Variants in HMCN1 observed in about 807,000 individuals in gnomAD.
HMCN1 encodes the protein hemicentin 1.
A neutral mutation model predicts 625.9 loss-of-function variants in HMCN1; 321 were observed. That is an observed-to-expected ratio of 0.51 (90% CI 0.47 to 0.56). The LOEUF (loss-of-function observed/expected upper bound fraction) is 0.56. HMCN1 is among the 20% of genes least tolerant of loss of function. The pLI, the probability that HMCN1 is intolerant of heterozygous loss-of-function variation, is 0.00. For missense variants in HMCN1, 6,588 were observed against 6,887.3 expected (o/e 0.96, Z 1.54); for synonymous variants, 2,425 against 2,417.6 (o/e 1.00, Z -0.09).
chr1:186,118,147 ATTTATACAAT>A (rs1232190010), intron 77 of HMCN1, among the ~76,000 whole-genome samples: 2 of 152,210 alleles, frequency 1.3e-5, no homozygotes, highest in African/African-American at 4.8e-5. Context: ...AGTAACCCTC[ATTTATACAAT>A]TTATAGTATT....
At chr1:186,134,006 G>A (rs577654920) in intron 86 of HMCN1, among the ~76,000 whole-genome samples, 3 of 152,172 alleles carry the variant, frequency 2.0e-5, no homozygotes, top group African/African-American at 4.8e-5. Flanking sequence ...TTGAGTGAAC[G>A]TAGGTAGAAC....
At chr1:185,869,908 A>G (rs1294217051) in intron 4 of HMCN1, among the ~76,000 whole-genome samples, 1 of 152,082 alleles carries the variant, frequency 6.6e-6, no homozygotes, top group Non-Finnish European at 1.5e-5. Context: ...TTTCTAAAGG[A>G]AAGTGTAGTG....
At chr1:185,824,134 C>G (rs895247221) in intron 1 of HMCN1, among the ~76,000 whole-genome samples, 1 of 152,116 alleles carries the variant, frequency 6.6e-6, no homozygotes, top group African/African-American at 2.4e-5. Context: ...CTTTATGCTT[C>G]AGCTTGTTTA....
chr1:186,007,348 T>G, intron 30 of HMCN1, 66 bp downstream of exon 30: 1 of 1,391,608 alleles, frequency 7.2e-7, no homozygotes, highest in Non-Finnish European at 1.0e-6. Flanking sequence ...CAGGGTTTAC[T>G]GGTAACTACA....
At chr1:186,074,554 T>G (rs1014088462) in intron 52 of HMCN1, among the ~76,000 whole-genome samples, 187 bp from the exon 53 acceptor site, 6 of 152,106 alleles carry the variant, frequency 3.9e-5, no homozygotes, top group Non-Finnish European at 7.4e-5. Context: ...AAATAAAAAT[T>G]TGATTAGTCA....
intron 14 of HMCN1, among the ~76,000 whole-genome samples, chr1:185,967,889 ACTGTATTC>A (rs1156868514): frequency 6.6e-6 from 1 of 152,100 alleles, no homozygotes; most frequent in African/African-American, 2.4e-5. Context: ...AAATGAACAA[ACTGTATTC>A]CATTCAGACC....
intron 34 of HMCN1, 123 bp downstream of exon 34, chr1:186,018,475 G>T (rs890033516): frequency 2.9e-6 from 3 of 1,043,924 alleles, no homozygotes; most frequent in Non-Finnish European, 4.4e-6. Flanking sequence ...TAGTGTAAAG[G>T]ATGTGAATTT....
At chr1:186,119,937 T>G in intron 79 of HMCN1, 55 bp downstream of exon 79, 1 of 1,614,028 alleles carries the variant, frequency 6.2e-7, no homozygotes, top group Non-Finnish European at 8.5e-7. Flanking sequence ...TGTTTTATAA[T>G]TCGAATCAGC....
chr1:186,002,748 A>C (rs1653282031), intron 28 of HMCN1, among the ~76,000 whole-genome samples: 1 of 152,000 alleles, frequency 6.6e-6, no homozygotes, highest in African/African-American at 2.4e-5. Flanking sequence ...CCTTAGTTTT[A>C]TATCAAACAA....
chr1:185,954,785 T>C (rs1649504719), intron 11 of HMCN1, among the ~76,000 whole-genome samples: 1 of 152,160 alleles, frequency 6.6e-6, no homozygotes, highest in African/African-American at 2.4e-5. Flanking sequence ...CTCTCTACTC[T>C]CTTTTCCCCA....
intron 23 of HMCN1, among the ~76,000 whole-genome samples, chr1:185,994,584 A>G (rs936388111): frequency 3.9e-5 from 6 of 152,162 alleles, no homozygotes; most frequent in African/African-American, 1.4e-4. Flanking sequence ...TAATCCTTGC[A>G]GTGTACTGGC....
At chr1:186,159,343 T>C (rs539128771) in intron 97 of HMCN1, among the ~76,000 whole-genome samples, 9 of 152,324 alleles carry the variant, frequency 5.9e-5, no homozygotes, top group Admixed American at 5.9e-4. Flanking sequence ...GTTTTCTAGA[T>C]GTACAATCAT....
rs140251121 is a variant in HMCN1 at position 186,114,000 on chromosome 1, G to A, written c.11153G>A (p.Gly3718Asp). Residue 3718 changes from glycine to aspartate, a missense_variant, in exon 73 of 107, where the codon GGC becomes GAC. Around this residue, in one of 3 missense-constraint regions of HMCN1, gnomAD observed 4,628 missense variants for 4,853.1 expected, o/e 0.95. Transcript: ENST00000271588. ...TCAGTTCCTCCAAACATAAAGGGGG[G>A]CCCCCAGAGCCTTGTAATTCTTTTA... is the stretch of plus-strand genomic sequence containing the variant. ...TVNVPPNIKGGPQSLVILLNK... is the reference protein window; with the variant it reads ...TVNVPPNIKGDPQSLVILLNK... 4.4e-5 allele frequency: 71 copies of A among 1,614,072 alleles called. No homozygotes were observed. The African/African-American group carries it at 7.9e-4, about 18-fold the overall frequency.
chr1:185,930,044 A>G (rs1379781186), intron 10 of HMCN1, among the ~76,000 whole-genome samples: 1 of 152,198 alleles, frequency 6.6e-6, no homozygotes, highest in Admixed American at 6.5e-5. Flanking sequence ...GGGAAGTGCC[A>G]GGAAGAACTT....
intron 4 of HMCN1, among the ~76,000 whole-genome samples, chr1:185,903,895 C>G (rs1665951476): frequency 6.6e-6 from 1 of 151,956 alleles, no homozygotes; most frequent in Non-Finnish European, 1.5e-5. Context: ...TCTCTATAGG[C>G]ACACGTACAA....
intron 68 of HMCN1, among the ~76,000 whole-genome samples, chr1:186,102,787 C>G (rs1392241396): frequency 1.3e-5 from 2 of 152,120 alleles, no homozygotes. Context: ...AAATGGTCAT[C>G]ATAAGGGGAA....
intron 6 of HMCN1, among the ~76,000 whole-genome samples, chr1:185,917,795 G>A (rs1666795432): frequency 6.6e-6 from 1 of 152,162 alleles, no homozygotes; most frequent in African/African-American, 2.4e-5. Context: ...CTGCAGTAGA[G>A]CTGACCAGGA....
At chr1:185,820,421 C>T (rs1429642573) in intron 1 of HMCN1, among the ~76,000 whole-genome samples, 1 of 151,936 alleles carries the variant, frequency 6.6e-6, no homozygotes, top group East Asian at 1.9e-4. Context: ...AAAACTGGGT[C>T]TTCAAAATAA....
intron 1 of HMCN1, among the ~76,000 whole-genome samples, chr1:185,784,856 T>C (rs6680869): frequency 4.8e-3 from 737 of 152,328 alleles, no homozygotes; most frequent in Non-Finnish European, 7.3e-3. Flanking sequence ...GCCCAGAATG[T>C]TCCTTTTATG....
Sources: gnomAD v4.1 joint callset for allele counts (sites outside exome capture counted in the v4.1 genomes callset) on GRCh38, gnomAD v4.1.1 for gene constraint, gnomAD v4.1.1 regional missense constraint, MANE v1.5 for transcripts, NCBI Gene and HGNC (gene_info 2026-07-23, HGNC 2026-07-21) for gene names.